Variants in TPD52L2 observed in about 807,000 individuals in gnomAD.
The protein encoded by TPD52L2 is TPD52 like 2.
TPD52L2 carries 19 observed loss-of-function variants against 24.7 expected under a neutral mutation model. That is an observed-to-expected ratio of 0.77 (90% confidence interval 0.54 to 1.13). TPD52L2 has a LOEUF of 1.13. TPD52L2 is among the 50% of genes most tolerant of loss of function. The pLI, the probability that TPD52L2 is intolerant of heterozygous loss-of-function variation, is 0.00. For missense variants in TPD52L2, 236 were observed against 250.4 expected (o/e 0.94, Z 0.39); for synonymous variants, 104 against 100.2 (o/e 1.04, Z -0.23).
At position 63,875,876 on chromosome 20, in the gene TPD52L2, G is replaced by T; in HGVS notation, c.374+1G>T. 1 of 1,614,116 alleles carries T rather than the reference G, an allele frequency of 6.2e-7. No homozygotes were observed. The highest frequency in any genetic ancestry group is 8.5e-7 in the Non-Finnish European group (1 of 1,179,994). On this transcript the variant is annotated splice_donor_variant, in intron 4 of 6. Coordinates refer to ENST00000346249, the MANE Select transcript of TPD52L2 (RefSeq NM_003288.4). LOFTEE classifies it high-confidence loss of function. ...ATGAGAAAGTGACCCAGTCAGACCT[G>T]TGAGTGCCTGTATCATCAGCACCTC...
At position 63,869,334 on chromosome 20, in the gene TPD52L2, G is replaced by C; in HGVS notation, c.58G>C (p.Asp20His). 6.2e-7 allele frequency: 1 copy of C among 1,614,204 alleles called. No homozygotes were observed. The stretch of plus-strand genomic sequence containing the variant: ...TTCTCCTAACAAAGGTCTGCTGTCT[G>C]ACTCCATGACGGATGTTCCTGTCGA... ...LNSPNKGLLS[D>H]SMTDVPVDTG... Residue 20 changes from aspartate to histidine, a missense_variant, in exon 2 of 7, where the codon GAC (aspartate) becomes CAC (histidine). Coordinates refer to ENST00000346249, the MANE Select transcript of TPD52L2 (RefSeq NM_003288.4).
intron 3 of TPD52L2, among the ~76,000 whole-genome samples, chr20:63,874,628 C>T (rs2052597297): frequency 6.6e-6 from 1 of 152,076 alleles, no homozygotes; most frequent in African/African-American, 2.4e-5. Context: ...CTTGTTTTGG[C>T]CTCCTAAAAT....
intron 5 of TPD52L2, among the ~76,000 whole-genome samples, chr20:63,886,451 C>G (rs1204780604): frequency 2.6e-5 from 4 of 151,378 alleles, no homozygotes; most frequent in Admixed American, 2.0e-4. Context: ...AGCTCCGCCT[C>G]CCGGGTTCAC....
chr20:63,875,141 CA>C (rs869224477), intron 3 of TPD52L2, among the ~76,000 whole-genome samples: 180 of 131,846 alleles, frequency 1.4e-3, no homozygotes, highest in African/African-American at 1.9e-3. Context: ...GACTCTGTCT[CA>C]AAAAAAAAAA....
intron 2 of TPD52L2, among the ~76,000 whole-genome samples, chr20:63,872,644 C>T (rs1223569734): frequency 6.6e-6 from 1 of 152,052 alleles, no homozygotes; most frequent in African/African-American, 2.4e-5. Context: ...TCACAAAGTG[C>T]TGGGATTACA....
At chr20:63,876,844 C>T (rs2052701130) in intron 4 of TPD52L2, 1 of 455,296 alleles carries the variant, frequency 2.2e-6, no homozygotes, top group Admixed American at 2.4e-5. Flanking sequence ...GGTTCGTGGG[C>T]ATGGCTACAG....
Position 63,882,762 on chromosome 20 carries a change from A to C in TPD52L2, c.418A>C (p.Thr140Pro). 1 of 1,614,088 alleles carries C rather than the reference A, an allele frequency of 6.2e-7. No individual in the cohort carries two copies. Among genetic ancestry groups the C allele is most frequent in the Non-Finnish European group, 8.5e-7 (1 of 1,179,988 alleles). ...AACTCTTTCACAGGCAGGACAGAAG[A>C]CTTCAGCTGCCCTGTCCACAGTGGG... is the stretch of plus-strand genomic sequence containing the variant. ...QETLSQAGQK[T>P]SAALSTVGSA... is the part of the protein sequence containing the mutation. Residue 140 changes from threonine to proline, a missense_variant, in exon 5 of 7, where the codon ACT (threonine) becomes CCT (proline). Coordinates refer to ENST00000346249, the MANE Select transcript of TPD52L2 (RefSeq NM_003288.4).
chr20:63,886,424 G>A (rs1054612398), intron 5 of TPD52L2, among the ~76,000 whole-genome samples: 17 of 151,476 alleles, frequency 1.1e-4, no homozygotes, highest in Non-Finnish European at 1.9e-4. Context: ...GCCGTGGCGC[G>A]ATCTCGGCTC....
At chr20:63,872,000 A>G (rs1016209874) in intron 2 of TPD52L2, among the ~76,000 whole-genome samples, 2 of 151,840 alleles carry the variant, frequency 1.3e-5, no homozygotes, top group Non-Finnish European at 2.9e-5. Flanking sequence ...CTCATTCTAA[A>G]GTGGTAAAGC....
intron 2 of TPD52L2, among the ~76,000 whole-genome samples, chr20:63,870,519 A>AGTTT (rs1568939419): frequency 7.0e-6 from 1 of 143,500 alleles, no homozygotes. Flanking sequence ...AATAAGGTGA[A>AGTTT]GTTTTTTTTT....
chr20:63,885,346 G>A (rs1341332865), intron 5 of TPD52L2, among the ~76,000 whole-genome samples: 1 of 152,218 alleles, frequency 6.6e-6, no homozygotes, highest in African/African-American at 2.4e-5. Flanking sequence ...ATGAGGCATC[G>A]GCCCTCTCAG....
intron 4 of TPD52L2, among the ~76,000 whole-genome samples, chr20:63,878,877 A>T (rs1215429281): frequency 6.6e-6 from 1 of 152,166 alleles, no homozygotes. Context: ...TTGGGTGCAG[A>T]TGCTGGCTCT....
chr20:63,875,449 G>C (rs1568946417), intron 3 of TPD52L2, among the ~76,000 whole-genome samples: 1 of 152,212 alleles, frequency 6.6e-6, no homozygotes, highest in Non-Finnish European at 1.5e-5. Flanking sequence ...TCACATATGA[G>C]AGGCCCATGT....
At position 63,865,328 on chromosome 20, in the gene TPD52L2, C is replaced by T. The variant is rs1451343341; in HGVS notation, c.-38C>T. ...CTCCCGGCGCCGCCCGCTCGGCTCC[C>T]ATAGCGCCCGCGACAGCGGTCCGGA... On this transcript the variant is annotated 5_prime_UTR_variant, in exon 1 of 7. Transcript: ENST00000346249. 8 of 1,519,210 alleles carry T rather than the reference C, an allele frequency of 5.3e-6. No individual in the cohort carries two copies. Among genetic ancestry groups the T allele is most frequent in the Non-Finnish European group, 7.0e-6 (8 of 1,139,614 alleles). 94.1% of individuals were successfully genotyped at this position (1,519,210 alleles called of 1,614,324 possible). A position where few individuals can be genotyped will look rare whatever the true frequency, so the allele number is the denominator to read the frequency against.
At chr20:63,867,124 T>C (rs757624257) in intron 1 of TPD52L2, among the ~76,000 whole-genome samples, 11 of 152,164 alleles carry the variant, frequency 7.2e-5, no homozygotes, top group Non-Finnish European at 1.5e-4. Flanking sequence ...CGGCTAATTT[T>C]GTATTTTTAG....
In TPD52L2 at chr20:63,882,630, C is replaced by G. The variant is rs2052944694; in HGVS notation, c.375-89C>G. ...GGCCCAGCTCCTTTCCTCAGTTTTC[C>G]TCGGGCGTGCTCCCAGTGCTTTGTT... On this transcript the variant is annotated intron_variant, in intron 4 of 6. Transcript: ENST00000346249. 3 of 1,061,256 alleles carry G rather than the reference C, an allele frequency of 2.8e-6. No individual in the cohort carries two copies. In the South Asian group the frequency reaches 3.8e-5, roughly 14 times the overall value. 65.7% of individuals were successfully genotyped at this position (1,061,256 alleles called of 1,614,324 possible).
chr20:63,869,476 T>TG, intron 2 of TPD52L2, 35 bp downstream of exon 2: 1 of 1,610,784 alleles, frequency 6.2e-7, no homozygotes, highest in Non-Finnish European at 8.5e-7. Flanking sequence ...TGGGGTGAAT[T>TG]GGAGTTAAGG....
chr20:63,870,146 C>A (rs951126074), intron 2 of TPD52L2, among the ~76,000 whole-genome samples: 3 of 152,302 alleles, frequency 2.0e-5, no homozygotes, highest in Non-Finnish European at 1.5e-5. Context: ...ACAAAAACTT[C>A]TTTTCTAAAA....
intron 5 of TPD52L2, among the ~76,000 whole-genome samples, chr20:63,884,390 A>G (rs1341475721): frequency 1.3e-5 from 2 of 152,190 alleles, no homozygotes; most frequent in Non-Finnish European, 2.9e-5. Context: ...TATGCCGGCC[A>G]TCAGGAGGCG....
Sources: gnomAD v4.1 joint callset for allele counts (sites outside exome capture counted in the v4.1 genomes callset) on GRCh38, gnomAD v4.1.1 for gene constraint, MANE v1.5 for transcripts, NCBI Gene and HGNC (gene_info 2026-07-23, HGNC 2026-07-21) for gene names.